PLCG2: variants seen among roughly 807,000 people sequenced by gnomAD.
The protein encoded by PLCG2 is 1-phosphatidylinositol 4,5-bisphosphate phosphodiesterase gamma-2.
In PLCG2, 69 loss-of-function variants were observed where a neutral mutation model predicts 175.6. The observed-to-expected ratio is 0.39, with a 90% CI of 0.32 to 0.48. The LOEUF (loss-of-function observed/expected upper bound fraction) is 0.48. Ranked by LOEUF, PLCG2 falls within the 20% of genes least tolerant of loss-of-function variation. The pLI is 0.91. For synonymous variants in PLCG2, 827 were observed against 624.0 expected, an observed-to-expected ratio of 1.33 and a Z score of -4.85; for missense variants, 1,798 against 1,650.9, an observed-to-expected ratio of 1.09 and a Z score of -1.54.
rs867613350 is a variant in PLCG2, at chr16:81,934,539, C to G, written c.2842+8C>G. On this transcript the variant is annotated splice_region_variant and intron_variant, in intron 26 of 32. Coordinates refer to ENST00000564138, the MANE Select transcript of PLCG2 (RefSeq NM_002661.5). ...AAACCAAGGACAACTTAGGTAACAT[C>G]TTTCCCAAGAACATGCCCTATAACT... 6.5e-7 allele frequency: 1 copy of G among 1,545,458 alleles called. No individual in the cohort carries two copies. Among genetic ancestry groups the G allele is most frequent in the Admixed American group, 1.7e-5 (1 of 59,842 alleles).
chr16:81,759,995 G>A (rs918876142), intron 2 of PLCG2, among the ~76,000 whole-genome samples: 4 of 152,130 alleles, frequency 2.6e-5, no homozygotes, highest in Admixed American at 6.6e-5. Flanking sequence ...GAGTGGTGGC[G>A]GGCGCCTGTA....
Position 81,851,496 on chromosome 16 carries a change from C to T in PLCG2, c.194-2948C>T, listed in dbSNP as rs116661544. On this transcript the variant is annotated intron_variant, in intron 2 of 32. Coordinates refer to ENST00000564138, the MANE Select transcript of PLCG2 (RefSeq NM_002661.5). ...TGACGTGCTGTTTTTTTACTCTTTT[C>T]ACATGGCCTTTTTGTTGTTGTTGTT... is the stretch of plus-strand genomic sequence containing the variant. Among the ~76,000 whole-genome samples the T allele has an allele frequency of 3.3e-3, 496 of 152,136 alleles. 4 individuals are homozygous for T. Among genetic ancestry groups the T allele is most frequent in the African/African-American group, 0.012 (482 of 41,502 alleles).
chr16:81,755,114 C>T (rs1909894279), intron 1 of PLCG2, among the ~76,000 whole-genome samples: 1 of 152,162 alleles, frequency 6.6e-6, no homozygotes, highest in South Asian at 2.1e-4. Context: ...TCTTAGCAAG[C>T]AGGGAAGAGA....
chr16:81,877,765 G>T (rs1292827787), intron 7 of PLCG2, among the ~76,000 whole-genome samples: 5 of 148,184 alleles, frequency 3.4e-5, no homozygotes, highest in Non-Finnish European at 6.0e-5. Flanking sequence ...TTGGCGTGTA[G>T]ATGTCATTGC....
At chr16:81,778,068 A>AAC (rs1910525185), upstream of PLCG2, among the ~76,000 whole-genome samples, 15 of 54,250 alleles carry the variant, frequency 2.8e-4, 1 homozygote, top group Middle Eastern at 7.9e-3. Flanking sequence ...AAAAAACCAA[A>AAC]AACACACACA....
intron 5 of PLCG2, among the ~76,000 whole-genome samples, chr16:81,863,981 C>G (rs1907106618): frequency 6.6e-6 from 1 of 152,162 alleles, no homozygotes; most frequent in South Asian, 2.1e-4. Context: ...TTTGGCAGAG[C>G]CACGGCAGTA....
chr16:81,944,430 G>C (rs961862138), intron 30 of PLCG2, among the ~76,000 whole-genome samples: 3 of 152,134 alleles, frequency 2.0e-5, no homozygotes, highest in African/African-American at 7.2e-5. Flanking sequence ...GGATATGGGA[G>C]GATGTGCATA....
At chr16:81,914,160 C>G (rs1909743913) in intron 19 of PLCG2, among the ~76,000 whole-genome samples, 1 of 152,178 alleles carries the variant, frequency 6.6e-6, no homozygotes, top group Non-Finnish European at 1.5e-5. Context: ...TGTTGGCACT[C>G]CCACTGTGCT....
At chr16:81,885,911 T>C (rs1176570117) in intron 9 of PLCG2, among the ~76,000 whole-genome samples, 3 of 152,208 alleles carry the variant, frequency 2.0e-5, no homozygotes, top group Non-Finnish European at 2.9e-5. Context: ...AAAGAAGGCT[T>C]ATTTGCCCAA....
intron 2 of PLCG2, among the ~76,000 whole-genome samples, chr16:81,811,519 A>G (rs1397928315): frequency 6.6e-6 from 1 of 151,824 alleles, no homozygotes; most frequent in Non-Finnish European, 1.5e-5. Context: ...TCCCTCCTCT[A>G]GTCCCCCAAC....
chr16:81,878,610 C>G lies in PLCG2; in HGVS notation c.649-2300C>G, dbSNP rs562257205. On this transcript the variant is annotated intron_variant, in intron 7 of 32. Transcript: ENST00000564138. Reference sequence around the variant, plus strand: ...CCCTTCTTCCTACTGTCTCTTGAGTCTATTCCCGTCTTGTTTCCATCCCTG... The same window carrying G: ...CCCTTCTTCCTACTGTCTCTTGAGTGTATTCCCGTCTTGTTTCCATCCCTG... Among the ~76,000 whole-genome samples, 294 of 152,306 alleles carry G rather than the reference C, an allele frequency of 1.9e-3. 1 individual carries two copies. Among genetic ancestry groups the G allele is most frequent in the Non-Finnish European group, 3.8e-3 (261 of 68,024 alleles).
chr16:81,769,496 G>A (rs1425645874), intron 2 of PLCG2, among the ~76,000 whole-genome samples: 3 of 152,182 alleles, frequency 2.0e-5, no homozygotes, highest in Non-Finnish European at 2.9e-5. Context: ...GTCCTCTGTA[G>A]AAGTGTAAAT....
Position 81,891,548 on chromosome 16 carries a change from A to G in PLCG2, c.944A>G (p.Asn315Ser), listed in dbSNP as rs1182420382. ...KYDAVDMQDM[N>S]NPLSHYWISS... is the part of the protein sequence containing the mutation. ...GACGCGGTGGACATGCAGGACATGA[A>G]CAACCCCCTGTCTCATTACTGGATC... The change falls in exon 11 of 33, where the codon AAC (asparagine) becomes AGC (serine). Residue 315 changes from asparagine (N) to serine (S), a missense_variant. Transcript: ENST00000564138. 6.2e-7 allele frequency: 1 copy of G among 1,611,210 alleles called. No individual in the cohort carries two copies.
intron 5 of PLCG2, among the ~76,000 whole-genome samples, chr16:81,860,174 T>TATTA (rs1555513305): frequency 0.024 from 2,291 of 96,468 alleles, 21 homozygotes; most frequent in Non-Finnish European, 0.035. Context: ...TTATTATTAT[T>TATTA]TTTTTTTTTT....
In PLCG2 at chr16:81,961,094, G is replaced by C; in HGVS notation, c.*3096G>C. The C allele has an allele frequency of 4.3e-6, 1 of 231,520 alleles. No individual in the cohort carries two copies. The highest frequency in any genetic ancestry group is 6.1e-5 in the East Asian group (1 of 16,308). The allele number at this position is 231,520 out of a possible 1,614,324, so 14.3% of individuals were successfully genotyped here. ...ATGGATTTTCCAAGTTTTTCTGGTG[G>C]TTCCAAATTTTTTGCTTTCAACAAA... On this transcript the variant is annotated 3_prime_UTR_variant, in exon 33 of 33. Coordinates refer to ENST00000564138, the MANE Select transcript of PLCG2 (RefSeq NM_002661.5).
intron 9 of PLCG2, 59 bp downstream of exon 9, chr16:81,883,400 G>C (rs1567515162): frequency 7.1e-7 from 1 of 1,409,892 alleles, no homozygotes; most frequent in African/African-American, 1.4e-5. Flanking sequence ...CTGGGGACTA[G>C]TCTCACCCTT....
intron 31 of PLCG2, among the ~76,000 whole-genome samples, chr16:81,948,246 C>T (rs748684651): frequency 4.4e-5 from 6 of 136,018 alleles, no homozygotes; most frequent in Admixed American, 1.4e-4. Flanking sequence ...CCTAAGTTGT[C>T]GTATTATATC....
Position 81,895,793 on chromosome 16 carries a change from G to A in PLCG2, c.1073-14G>A, listed in dbSNP as rs766112706. The A allele has an allele frequency of 1.5e-5, 25 of 1,613,866 alleles. No individual in the cohort carries two copies. The highest frequency in any genetic ancestry group is 6.7e-5 in the African/African-American group (5 of 74,912). On this transcript the variant is annotated splice_polypyrimidine_tract_variant and intron_variant, in intron 12 of 32. Coordinates refer to ENST00000564138, the MANE Select transcript of PLCG2 (RefSeq NM_002661.5). ...ACACACGTGGTATTGAGGCTGCCGC[G>A]TTTCTCCCTGTAGTGGACTGCTGGG...
intron 2 of PLCG2, among the ~76,000 whole-genome samples, chr16:81,838,778 A>AATATATATATATATATATAT (rs10549962): frequency 5.6e-5 from 8 of 141,694 alleles, no homozygotes; most frequent in African/African-American, 2.1e-4. Flanking sequence ...AGTAAAATTA[A>AATATATATATATATATATAT]ATATATATAT....
Sources: gnomAD v4.1 joint callset for allele counts (sites outside exome capture counted in the v4.1 genomes callset) on GRCh38, gnomAD v4.1.1 for gene constraint, MANE v1.5 for transcripts, NCBI Gene and HGNC (gene_info 2026-07-23, HGNC 2026-07-21) for gene names.